The following THSD4 variants were observed in gnomAD, a reference collection of about 807,000 sequenced individuals.
THSD4 encodes thrombospondin type-1 domain-containing protein 4.
THSD4 carries 69 observed loss-of-function variants against 119.0 expected under a neutral mutation model. The ratio of observed to expected loss-of-function variants is 0.58; its 90% CI spans 0.48 to 0.71. THSD4 has a LOEUF of 0.71. Ranked by LOEUF, THSD4 falls within the 30% of genes least tolerant of loss-of-function variation. The pLI is 0.00. For missense variants in THSD4, 1,393 were observed against 1,391.1 expected (o/e 1.00, Z -0.02); for synonymous variants, 524 against 540.4 (o/e 0.97, Z 0.42).
intron 1 of THSD4, among the ~76,000 whole-genome samples, chr15:71,122,446 G>T (rs1317642826): frequency 6.6e-6 from 1 of 152,170 alleles, no homozygotes; most frequent in Non-Finnish European, 1.5e-5. Flanking sequence ...GAACTCTCAG[G>T]CCAGTTAGTG....
At chr15:71,380,078 C>T (rs2046207711) in intron 6 of THSD4, among the ~76,000 whole-genome samples, 1 of 152,126 alleles carries the variant, frequency 6.6e-6, no homozygotes, top group African/African-American at 2.4e-5. Context: ...CCGGCTGAGA[C>T]TCAGCTACTT....
At chr15:71,360,629 T>C (rs1235278877) in intron 6 of THSD4, among the ~76,000 whole-genome samples, 1 of 152,178 alleles carries the variant, frequency 6.6e-6, no homozygotes, top group East Asian at 1.9e-4. Flanking sequence ...TCCAATCCAA[T>C]TGTGTATTTT....
At chr15:71,183,684 T>C (rs1457824008) in intron 3 of THSD4, among the ~76,000 whole-genome samples, 2 of 151,668 alleles carry the variant, frequency 1.3e-5, no homozygotes, top group African/African-American at 2.4e-5. Flanking sequence ...CTCTTTAAAG[T>C]TGGGTACCCA....
chr15:71,437,160 G>A (rs1007734083), intron 7 of THSD4, among the ~76,000 whole-genome samples: 3 of 152,094 alleles, frequency 2.0e-5, no homozygotes, highest in East Asian at 1.9e-4. Context: ...GAGCAGCAGC[G>A]AGAGAGAAAA....
At chr15:71,406,016 G>A (rs1226986107) in intron 6 of THSD4, among the ~76,000 whole-genome samples, 2 of 151,868 alleles carry the variant, frequency 1.3e-5, no homozygotes, top group Admixed American at 6.6e-5. Context: ...CGAACTCCTG[G>A]CCTCAAGTGA....
chr15:71,604,081 G>A (rs936935319), intron 7 of THSD4, among the ~76,000 whole-genome samples: 1 of 152,158 alleles, frequency 6.6e-6, no homozygotes, highest in Admixed American at 6.5e-5. Context: ...TGAAAGTGCT[G>A]AAGATGGGCA....
chr15:71,539,879 G>A (rs542206058), intron 7 of THSD4, among the ~76,000 whole-genome samples: 39 of 152,208 alleles, frequency 2.6e-4, no homozygotes, highest in African/African-American at 8.9e-4. Flanking sequence ...TTGTTATGGA[G>A]GGCTCACTCT....
chr15:71,186,321 A>C (rs973983504), intron 3 of THSD4: 2 of 152,260 alleles, frequency 1.3e-5, no homozygotes, highest in African/African-American at 4.8e-5. Context: ...AGGGCAGCTG[A>C]ACCTCATTTA....
chr15:71,290,877 T>C (rs2140324831), intron 6 of THSD4, among the ~76,000 whole-genome samples: 1 of 131,796 alleles, frequency 7.6e-6, no homozygotes, highest in African/African-American at 3.0e-5. Flanking sequence ...CTTTTTTCCT[T>C]TTTTTTTTTT....
intron 7 of THSD4, among the ~76,000 whole-genome samples, chr15:71,457,948 G>GA (rs1260500062): frequency 6.6e-6 from 1 of 152,150 alleles, no homozygotes; most frequent in Non-Finnish European, 1.5e-5. Flanking sequence ...TATATGTGGG[G>GA]AATGAACAAA....
intron 6 of THSD4, among the ~76,000 whole-genome samples, chr15:71,325,560 G>A (rs1167749269): frequency 6.6e-6 from 1 of 152,182 alleles, no homozygotes; most frequent in Non-Finnish European, 1.5e-5. Context: ...TCAAAACTGG[G>A]ATATGTCACA....
intron 8 of THSD4, among the ~76,000 whole-genome samples, chr15:71,724,297 T>TTTTTTTTTC (rs1491121953): frequency 2.4e-5 from 1 of 41,584 alleles, no homozygotes; most frequent in African/African-American, 4.4e-5. Context: ...ATTTTTTTTT[T>TTTTTTTTTC]CCCCCCAAGA....
At chr15:71,387,377 T>A (rs2140461970) in intron 6 of THSD4, among the ~76,000 whole-genome samples, 1 of 152,320 alleles carries the variant, frequency 6.6e-6, no homozygotes, top group South Asian at 2.1e-4. Context: ...ACACGGGGTT[T>A]CACTGTAGAC....
intron 6 of THSD4, among the ~76,000 whole-genome samples, chr15:71,281,673 G>A (rs1308857936): frequency 1.3e-5 from 2 of 152,120 alleles, no homozygotes; most frequent in African/African-American, 2.4e-5. Context: ...GACTGTTTCT[G>A]GATATATGTA....
At position 71,748,542 on chromosome 15, in the gene THSD4, G is replaced by A. The variant is rs2053384284; in HGVS notation, c.2363G>A (p.Cys788Tyr). The change falls in exon 14 of 18, where the codon TGC becomes TAC. Residue 788 changes from cysteine to tyrosine, a missense_variant. Coordinates refer to ENST00000261862, the MANE Select transcript of THSD4 (RefSeq NM_024817.3). ...CTCCGGCCGAATGACATTGAGAACT[G>A]CGACATGGGACCCTGTGCCAAGAGC... is the stretch of plus-strand genomic sequence containing the variant. ...MKLRPNDIEN[C>Y]DMGPCAKSWF... 1 of 1,614,234 alleles carries A rather than the reference G, an allele frequency of 6.2e-7. No homozygotes were observed.
intron 7 of THSD4, among the ~76,000 whole-genome samples, chr15:71,562,632 G>T (rs2049144833): frequency 6.6e-6 from 1 of 151,346 alleles, no homozygotes; most frequent in African/African-American, 2.4e-5. Flanking sequence ...CCGTTTCACA[G>T]TTCCTGCTTC....
rs556888387 is a variant in THSD4 at position 71,783,046 on chromosome 15, A to G, written c.*5672A>G. 2 of 152,266 alleles carry G rather than the reference A, an allele frequency of 1.3e-5. No individual in the cohort carries two copies. Among genetic ancestry groups the G allele is most frequent in the Non-Finnish European group, 2.9e-5 (2 of 68,110 alleles). The allele number at this position is 152,266 out of a possible 1,614,324, so 9.4% of individuals were successfully genotyped here. ...TGTCCCTGCTGGGGATGCTGGGGCC[A>G]AGGCCTGTGGGGCCTGTGAACTGCA... is the stretch of plus-strand genomic sequence containing the variant. On this transcript the variant is annotated 3_prime_UTR_variant, in exon 18 of 18. Transcript: ENST00000261862.
intron 4 of THSD4, among the ~76,000 whole-genome samples, chr15:71,228,255 G>C (rs1273564355): frequency 1.3e-5 from 2 of 152,056 alleles, no homozygotes; most frequent in African/African-American, 4.8e-5. Context: ...AGATAGAATA[G>C]AGAGAGACTT....
chr15:71,579,904 G>GTTT (rs138949303), intron 7 of THSD4, among the ~76,000 whole-genome samples: 3 of 148,318 alleles, frequency 2.0e-5, no homozygotes, highest in African/African-American at 7.4e-5. Context: ...AAACGGTGGG[G>GTTT]TTTTTTTTTT....
Sources: gnomAD v4.1 joint callset for allele counts (sites outside exome capture counted in the v4.1 genomes callset) on GRCh38, gnomAD v4.1.1 for gene constraint, MANE v1.5 for transcripts, NCBI Gene and HGNC (gene_info 2026-07-23, HGNC 2026-07-21) for gene names.